Variants in ZMAT1 observed in about 807,000 individuals in gnomAD.
ZMAT1 encodes the protein zinc finger matrin-type 1.
Under a neutral mutation model 18.5 loss-of-function variants are expected in ZMAT1, and 11 were observed. The observed-to-expected ratio is 0.59, with a 90% CI of 0.37 to 0.98. The LOEUF (loss-of-function observed/expected upper bound fraction) is 0.98. Among genes scored for constraint, ZMAT1 ranks in the 50% least tolerant of loss-of-function variants. ZMAT1 has a pLI of 0.01. For missense variants in ZMAT1, 525 were observed against 496.2 expected (o/e 1.06, Z -0.55); for synonymous variants, 211 against 176.4 (o/e 1.20, Z -1.55).
intron 1 of ZMAT1, among the ~76,000 whole-genome samples, chrX:101,928,414 G>C (rs1411120094): frequency 8.9e-6 from 1 of 112,050 alleles, no homozygotes; most frequent in African/African-American, 3.3e-5. Context: ...CTGGAGTGCA[G>C]TGGCACTATC....
At chrX:101,908,645 G>A (rs938540209) in intron 1 of ZMAT1, among the ~76,000 whole-genome samples, 1 of 111,643 alleles carries the variant, frequency 9.0e-6, no homozygotes, top group Admixed American at 9.5e-5. Flanking sequence ...GTGCTATCCT[G>A]TTAGAGCAGA....
At chrX:101,889,368 G>T (rs185227159) in intron 4 of ZMAT1, 1 of 110,850 alleles carries the variant, frequency 9.0e-6, no homozygotes, top group East Asian at 2.9e-4. Flanking sequence ...CAGAAACTCA[G>T]GCTCCTTTAT....
At chrX:101,898,280 C>T in intron 2 of ZMAT1, 60 bp from the exon 3 acceptor site, 1 of 1,013,960 alleles carries the variant, frequency 9.9e-7, no homozygotes, top group Non-Finnish European at 1.4e-6. Flanking sequence ...AAAATTTACA[C>T]CTTTCTGAAT....
At chrX:101,931,647 A>G in intron 1 of ZMAT1, 70 bp downstream of exon 1, 1 of 743,108 alleles carries the variant, frequency 1.3e-6, no homozygotes, top group African/African-American at 2.3e-5. Flanking sequence ...GCCCAGCCCA[A>G]TCTCGGACGG....
At chrX:101,903,060 T>C (rs753268235) in intron 2 of ZMAT1, among the ~76,000 whole-genome samples, 1 of 111,844 alleles carries the variant, frequency 8.9e-6, no homozygotes. Context: ...TGAATAGTGC[T>C]TTATGATTCC....
chrX:101,909,403 A>G (rs757957022), intron 1 of ZMAT1, among the ~76,000 whole-genome samples: 75 of 111,418 alleles, frequency 6.7e-4, no homozygotes, highest in African/African-American at 2.4e-3. Context: ...AAAAGTAAAG[A>G]GGACTTTGTC....
chrX:101,923,386 T>C (rs1929851705), intron 1 of ZMAT1, among the ~76,000 whole-genome samples: 1 of 111,558 alleles, frequency 9.0e-6, no homozygotes, highest in Non-Finnish European at 1.9e-5. Context: ...TTGATGGTGA[T>C]CAATGAAAAA....
intron 1 of ZMAT1, among the ~76,000 whole-genome samples, chrX:101,909,297 G>T (rs1928807403): frequency 9.0e-6 from 1 of 111,121 alleles, no homozygotes; most frequent in South Asian, 3.8e-4. Context: ...GGGCCTTGTT[G>T]AGCCTCTGAC....
At chrX:101,895,809 C>T in intron 4 of ZMAT1, 1 of 750,386 alleles carries the variant, frequency 1.3e-6, no homozygotes, top group Non-Finnish European at 1.6e-6. Flanking sequence ...TGTCTTTAAT[C>T]CCACCTGTAG....
intron 1 of ZMAT1, 137 bp from the exon 2 acceptor site, chrX:101,904,467 G>T: frequency 2.2e-6 from 1 of 453,193 alleles, no homozygotes; most frequent in Non-Finnish European, 3.7e-6. Context: ...ACAGCTTTTT[G>T]TTCGAGTGTG....
At chrX:101,920,514 A>G (rs973476527) in intron 1 of ZMAT1, among the ~76,000 whole-genome samples, 2 of 112,235 alleles carry the variant, frequency 1.8e-5, no homozygotes, top group African/African-American at 6.5e-5. Flanking sequence ...ATTAAAATAC[A>G]TGAAAATATG....
At chrX:101,926,118 T>C (rs180884356) in intron 1 of ZMAT1, among the ~76,000 whole-genome samples, 2 of 112,232 alleles carry the variant, frequency 1.8e-5, no homozygotes, top group East Asian at 5.6e-4. Context: ...CAAAAAATTC[T>C]AGTAGTCTGG....
intron 1 of ZMAT1, among the ~76,000 whole-genome samples, chrX:101,925,062 G>A (rs1375287879): frequency 8.9e-6 from 1 of 112,005 alleles, no homozygotes; most frequent in African/African-American, 3.2e-5. Flanking sequence ...AAAGATAAAA[G>A]CATCTGAATC....
intron 4 of ZMAT1, among the ~76,000 whole-genome samples, chrX:101,896,225 GTCTT>G (rs1457348223): frequency 8.9e-6 from 1 of 112,002 alleles, no homozygotes; most frequent in African/African-American, 3.2e-5. Context: ...TAACTTCTAA[GTCTT>G]TCTTGAGTAA....
intron 4 of ZMAT1, chrX:101,894,424 A>G: frequency 1.3e-6 from 1 of 751,370 alleles, no homozygotes; most frequent in Non-Finnish European, 1.6e-6. Flanking sequence ...TATGAAGTTA[A>G]GAAGGTGGTG....
chrX:101,920,297 T>C (rs759065178), intron 1 of ZMAT1, among the ~76,000 whole-genome samples: 1 of 111,524 alleles, frequency 9.0e-6, no homozygotes, highest in Admixed American at 9.6e-5. Context: ...CCTCTGCCTC[T>C]GCCTCCCAAT....
intron 5 of ZMAT1, among the ~76,000 whole-genome samples, chrX:101,886,360 A>G (rs1023796147): frequency 9.0e-6 from 1 of 111,542 alleles, no homozygotes; most frequent in Non-Finnish European, 1.9e-5. Context: ...TTAGTGTGAG[A>G]GTGATCCTTT....
intron 1 of ZMAT1, among the ~76,000 whole-genome samples, chrX:101,909,781 G>C (rs1289131992): frequency 8.9e-6 from 1 of 112,404 alleles, no homozygotes. Flanking sequence ...AGACTTCTAA[G>C]GTTTTTTTAA....
At chrX:101,915,350 A>AAAT (rs1569439606) in intron 1 of ZMAT1, among the ~76,000 whole-genome samples, 1 of 55,845 alleles carries the variant, frequency 1.8e-5, no homozygotes, top group African/African-American at 1.0e-4. Flanking sequence ...TCAAACAAAA[A>AAAT]ATATATATAT....
Sources: allele counts gnomAD v4.1 joint callset (sites outside exome capture counted in the v4.1 genomes callset), GRCh38; gene constraint gnomAD v4.1.1; transcripts MANE v1.5; gene names NCBI Gene and HGNC (gene_info 2026-07-23, HGNC 2026-07-21).